Variants in KIAA0319L observed in about 807,000 individuals in gnomAD.
KIAA0319L encodes dyslexia-associated protein KIAA0319-like protein.
A neutral mutation model predicts 120.1 loss-of-function variants in KIAA0319L; 55 were observed. That is an observed-to-expected ratio of 0.46 (90% CI 0.37 to 0.57). The LOEUF is 0.57. Among genes scored for constraint, KIAA0319L ranks in the 20% least tolerant of loss-of-function variants. KIAA0319L has a pLI of 0.00. For missense variants in KIAA0319L, 1,049 were observed against 1,255.3 expected, an observed-to-expected ratio of 0.84 and a Z score of 2.48; for synonymous variants, 398 against 471.9, an observed-to-expected ratio of 0.84 and a Z score of 2.03.
chr1:35,496,941 T>C (rs1309136697), intron 3 of KIAA0319L, among the ~76,000 whole-genome samples: 4 of 111,514 alleles, frequency 3.6e-5, no homozygotes, highest in Non-Finnish European at 6.4e-5. Context: ...AGTGAGATTG[T>C]GTCTCCAAAA....
rs115137568 is a variant in KIAA0319L at position 35,507,928 on chromosome 1, T to C, written c.143-793A>G. 2.6e-3 allele frequency among the ~76,000 whole-genome samples: 391 copies of C among 152,384 alleles called. 3 individuals carry two copies. The highest frequency in any genetic ancestry group is 9.1e-3 in the African/African-American group (380 of 41,596). ...GCTAATGTTGCTGATGGATAAACTT[T>C]GGACTGTTTTAATTATTTCAGGTAT... is the stretch of plus-strand genomic sequence containing the variant. On this transcript the variant is annotated intron_variant, in intron 2 of 20. Coordinates refer to ENST00000325722, the MANE Select transcript of KIAA0319L (RefSeq NM_024874.5).
At chr1:35,530,594 G>GTC (rs2148467144) in intron 2 of KIAA0319L, among the ~76,000 whole-genome samples, 1 of 152,292 alleles carries the variant, frequency 6.6e-6, no homozygotes, top group Admixed American at 6.5e-5. Flanking sequence ...TTTCACTGAA[G>GTC]TCTGTTATTG....
intron 2 of KIAA0319L, among the ~76,000 whole-genome samples, chr1:35,508,424 C>A (rs917711518): frequency 2.0e-5 from 3 of 152,128 alleles, no homozygotes; most frequent in East Asian, 1.9e-4. Flanking sequence ...CTGACTCCCA[C>A]GGAATACTTA....
rs186015387 is a variant in KIAA0319L, at chr1:35,469,380, A to T, written c.1113+1483T>A. On this transcript the variant is annotated intron_variant, in intron 6 of 20. Transcript: ENST00000325722. ...CAATCTGTAGTCAGGTGATTTTTCT[A>T]ATCTGAAGATCTAAACATGTGTTTC... Among the ~76,000 whole-genome samples, 8 of 152,298 alleles carry T rather than the reference A, an allele frequency of 5.3e-5. No individual in the cohort carries two copies. The East Asian group carries it at 1.5e-3, about 29-fold the overall frequency.
chr1:35,454,536 C>T (rs755455833), intron 10 of KIAA0319L, 51 bp from the exon 11 acceptor site: 3 of 1,602,160 alleles, frequency 1.9e-6, no homozygotes, highest in East Asian at 2.2e-5. Flanking sequence ...AATCACATCA[C>T]ACAATAATTC....
chr1:35,440,085 T>A (rs538126025), intron 20 of KIAA0319L: 12 of 152,294 alleles, frequency 7.9e-5, no homozygotes, highest in Admixed American at 7.8e-4. Context: ...TATTCCTGGG[T>A]GAAATGCCCC....
intron 20 of KIAA0319L, 164 bp from the exon 21 acceptor site, chr1:35,435,245 G>C (rs1008337043): frequency 9.4e-6 from 6 of 639,340 alleles, no homozygotes; most frequent in East Asian, 2.7e-5. Context: ...TCCTTCTCCC[G>C]GGCCCAACTG....
chr1:35,537,272 T>C (rs1394430210), intron 2 of KIAA0319L, among the ~76,000 whole-genome samples: 1 of 152,164 alleles, frequency 6.6e-6, no homozygotes, highest in South Asian at 2.1e-4. Flanking sequence ...TATTACCGGC[T>C]GATAAATTAT....
At chr1:35,457,034 C>T (rs1438913298) in intron 9 of KIAA0319L, among the ~76,000 whole-genome samples, 3 of 152,000 alleles carry the variant, frequency 2.0e-5, no homozygotes, top group African/African-American at 4.8e-5. Flanking sequence ...ATGTCTCCAG[C>T]GCCATTTTGT....
At chr1:35,518,457 C>T (rs2148435722) in intron 2 of KIAA0319L, among the ~76,000 whole-genome samples, 1 of 152,186 alleles carries the variant, frequency 6.6e-6, no homozygotes, top group South Asian at 2.1e-4. Flanking sequence ...CAAACTAACG[C>T]AGGAACAGAA....
In KIAA0319L at chr1:35,506,115, T is replaced by G. The variant is rs181834027; in HGVS notation, c.666+497A>C. On this transcript the variant is annotated intron_variant, in intron 3 of 20. Coordinates refer to ENST00000325722, the MANE Select transcript of KIAA0319L (RefSeq NM_024874.5). This position sits in a 1 kb window ranked among gnomAD's most constrained non-coding sequence, Gnocchi z 4.0. Reference sequence around the variant, plus strand: ...GTGAGAATTCACTCCAGAGACCTCTTGGCTAATGGCCACATCCTGCTCCAC... The same window carrying G: ...GTGAGAATTCACTCCAGAGACCTCTGGGCTAATGGCCACATCCTGCTCCAC... Among the ~76,000 whole-genome samples the G allele has an allele frequency of 1.3e-3, 204 of 152,350 alleles. No individual in the cohort carries two copies. The highest frequency in any genetic ancestry group is 4.7e-3 in the African/African-American group (196 of 41,584).
intron 10 of KIAA0319L, 137 bp downstream of exon 10, chr1:35,455,876 G>A: frequency 1.4e-6 from 1 of 711,198 alleles, no homozygotes. Context: ...ACCATACCCG[G>A]CCAAGATAAA....
intron 12 of KIAA0319L, among the ~76,000 whole-genome samples, chr1:35,451,986 C>T: frequency 6.6e-6 from 1 of 152,238 alleles, no homozygotes; most frequent in Middle Eastern, 3.2e-3. Flanking sequence ...ATTCAAATAG[C>T]TTTCAAACAC....
chr1:35,447,474 A>G (rs1641710131), intron 16 of KIAA0319L, among the ~76,000 whole-genome samples: 1 of 152,020 alleles, frequency 6.6e-6, no homozygotes, highest in Non-Finnish European at 1.5e-5. Flanking sequence ...GTGTACTTTC[A>G]TACCACAGGG....
At chr1:35,505,139 T>A (rs1645161901) in intron 3 of KIAA0319L, among the ~76,000 whole-genome samples, 2 of 152,118 alleles carry the variant, frequency 1.3e-5, no homozygotes, top group Non-Finnish European at 1.5e-5. Context: ...ATTACCCACA[T>A]CAAGCTTATA....
In KIAA0319L at chr1:35,453,486, T is replaced by C. The variant is rs1570650314; in HGVS notation, c.1913+71A>G. The stretch of plus-strand genomic sequence containing the variant: ...CCAATAAGAGCAACTCAACTCATAA[T>C]AGCAAATAAAACCTTGCTCTTCCAA... On this transcript the variant is annotated intron_variant, in intron 12 of 20. Transcript: ENST00000325722. The surrounding 1 kb of genome is among the most constrained non-coding windows in gnomAD (Gnocchi z 4.1). 4.9e-5 allele frequency: 72 copies of C among 1,476,132 alleles called. No individual in the cohort carries two copies. The highest frequency in any genetic ancestry group is 6.5e-5 in the Non-Finnish European group (69 of 1,066,512). The allele number at this position is 1,476,132 out of a possible 1,614,324, so 91.4% of individuals were successfully genotyped here.
In KIAA0319L at chr1:35,521,617, G is replaced by C. The variant is rs545941396; in HGVS notation, c.143-14482C>G. Among the ~76,000 whole-genome samples the C allele has an allele frequency of 7.3e-5, 11 of 151,110 alleles. 1 individual carries two copies. In the South Asian group the frequency reaches 2.3e-3, roughly 32 times the overall value. On this transcript the variant is annotated intron_variant, in intron 2 of 20. Coordinates refer to ENST00000325722, the MANE Select transcript of KIAA0319L (RefSeq NM_024874.5). ...CCACTGCACTCCAGCCTGGGTGACG[G>C]AGAGAGACTCCGTCTCAAAAAAATA...
In KIAA0319L at chr1:35,437,790, C is replaced by T. The variant is rs1265785540; in HGVS notation, c.2963-2709G>A. 7.9e-5 allele frequency among the ~76,000 whole-genome samples: 12 copies of T among 152,312 alleles called. No individual in the cohort carries two copies. Among genetic ancestry groups the T allele is most frequent in the Non-Finnish European group, 1.6e-4 (11 of 68,030 alleles). The stretch of plus-strand genomic sequence containing the variant: ...GGATGTGACCCTTTGTGGTGCTGAT[C>T]CTCACCAGCAGATGGGAGATTCCTA... On this transcript the variant is annotated intron_variant, in intron 20 of 20. Transcript: ENST00000325722. This position sits in a 1 kb window ranked among gnomAD's most constrained non-coding sequence, Gnocchi z 4.1.
chr1:35,447,126 A>G (rs527606046), intron 16 of KIAA0319L, among the ~76,000 whole-genome samples: 85 of 151,938 alleles, frequency 5.6e-4, no homozygotes, highest in South Asian at 1.0e-3. Flanking sequence ...CACTATCTTA[A>G]TTCAGGTTTT....
Sources: allele counts gnomAD v4.1 joint callset (sites outside exome capture counted in the v4.1 genomes callset), GRCh38; gene constraint gnomAD v4.1.1; non-coding constraint Gnocchi (gnomAD v3.1); transcripts MANE v1.5; gene names NCBI Gene and HGNC (gene_info 2026-07-23, HGNC 2026-07-21).